Variants in KSR2 observed in about 807,000 individuals in gnomAD.
KSR2 encodes the protein kinase suppressor of ras 2.
A neutral mutation model predicts 107.8 loss-of-function variants in KSR2; 25 were observed. The ratio of observed to expected loss-of-function variants is 0.23; its 90% CI spans 0.17 to 0.32. The LOEUF (loss-of-function observed/expected upper bound fraction) is 0.32. Ranked by LOEUF, KSR2 falls within the 10% of genes least tolerant of loss-of-function variation. The pLI, the probability that KSR2 is intolerant of heterozygous loss-of-function variation, is 1.00. For synonymous variants in KSR2, 480 were observed against 507.0 expected, an observed-to-expected ratio of 0.95 and a Z score of 0.71; for missense variants, 887 against 1,268.9, an observed-to-expected ratio of 0.70 and a Z score of 4.57.
chr12:117,883,930 G>A (rs1409436433), intron 1 of KSR2, among the ~76,000 whole-genome samples: 1 of 151,890 alleles, frequency 6.6e-6, no homozygotes, highest in African/African-American at 2.4e-5. Context: ...CAGGGGCTGG[G>A]TCAAGTAGAA....
chr12:117,787,940 T>C (rs1467190092), intron 3 of KSR2, among the ~76,000 whole-genome samples: 1 of 152,258 alleles, frequency 6.6e-6, no homozygotes, highest in Non-Finnish European at 1.5e-5. Context: ...TCTTTGAAAC[T>C]GTACGTGGGA....
intron 3 of KSR2, among the ~76,000 whole-genome samples, chr12:117,821,708 G>T (rs1348197811): frequency 2.0e-5 from 3 of 152,154 alleles, no homozygotes; most frequent in African/African-American, 7.2e-5. Flanking sequence ...GATCTAAGCT[G>T]CCTGATAACA....
rs750264722 is a variant in KSR2, at chr12:117,579,217, C to T, written c.1242-15G>A. ...TGGTGGAAAACCTGTGGAAAAGAGA[C>T]AGAAAATGTTCAAGGTTAAGGAAAT... On this transcript the variant is annotated splice_polypyrimidine_tract_variant and intron_variant, in intron 6 of 19. Coordinates refer to ENST00000339824, the MANE Select transcript of KSR2 (RefSeq NM_173598.6). 2 of 1,597,882 alleles carry T rather than the reference C, an allele frequency of 1.3e-6. No individual in the cohort carries two copies. Among genetic ancestry groups the T allele is most frequent in the Non-Finnish European group, 1.7e-6 (2 of 1,166,002 alleles).
intron 7 of KSR2, among the ~76,000 whole-genome samples, chr12:117,566,219 G>A (rs4767565): frequency 0.57 from 86,749 of 151,842 alleles, 25,352 homozygotes; most frequent in Middle Eastern, 0.67. Context: ...CCCCCAGTTC[G>A]AGTGACTCTC....
At chr12:117,533,218 A>T (rs1460614236) in intron 10 of KSR2, among the ~76,000 whole-genome samples, 1 of 152,242 alleles carries the variant, frequency 6.6e-6, no homozygotes, top group African/African-American at 2.4e-5. Context: ...ACATAGTTCC[A>T]AGTGCTAATG....
chr12:117,695,000 G>A (rs544477412), intron 4 of KSR2, among the ~76,000 whole-genome samples: 13 of 151,992 alleles, frequency 8.6e-5, no homozygotes, highest in East Asian at 1.9e-4. Context: ...ACAGGTGCAC[G>A]CCACCACACC....
At chr12:117,537,032 G>C (rs183994549) in intron 10 of KSR2, among the ~76,000 whole-genome samples, 2 of 152,304 alleles carry the variant, frequency 1.3e-5, no homozygotes, top group Admixed American at 1.3e-4. Flanking sequence ...CACCAATATG[G>C]TGAAACCCTG....
chr12:117,775,072 G>A (rs1245062965), intron 3 of KSR2, among the ~76,000 whole-genome samples: 2 of 152,154 alleles, frequency 1.3e-5, no homozygotes, highest in East Asian at 3.8e-4. Flanking sequence ...GGACATTTAA[G>A]TTGTTTCTAC....
At chr12:117,853,011 C>T (rs974207069) in intron 3 of KSR2, among the ~76,000 whole-genome samples, 6 of 152,142 alleles carry the variant, frequency 3.9e-5, no homozygotes. Context: ...CTATGTTGGT[C>T]AGGCTGGTCT....
chr12:117,912,831 G>C (rs887570299), intron 1 of KSR2, among the ~76,000 whole-genome samples: 1 of 152,128 alleles, frequency 6.6e-6, no homozygotes, highest in African/African-American at 2.4e-5. Context: ...CAGCTCCTCC[G>C]ATGTTGTATT....
intron 1 of KSR2, among the ~76,000 whole-genome samples, chr12:117,861,531 G>A (rs1241990969): frequency 2.0e-5 from 3 of 151,714 alleles, no homozygotes; most frequent in African/African-American, 7.3e-5. Context: ...TGGGACTACA[G>A]GCGCCCGCCA....
At chr12:117,721,136 T>G (rs745701584) in intron 4 of KSR2, among the ~76,000 whole-genome samples, 5 of 152,160 alleles carry the variant, frequency 3.3e-5, no homozygotes, top group Non-Finnish European at 5.9e-5. Flanking sequence ...GCAAGAAGTT[T>G]TATGCACCAA....
intron 4 of KSR2, among the ~76,000 whole-genome samples, chr12:117,733,215 C>A (rs1887800181): frequency 6.6e-6 from 1 of 152,146 alleles, no homozygotes; most frequent in Admixed American, 6.5e-5. Context: ...ACTCAGAACT[C>A]CAAAACAGCC....
At chr12:117,781,679 C>A (rs961483046) in intron 3 of KSR2, among the ~76,000 whole-genome samples, 3 of 152,146 alleles carry the variant, frequency 2.0e-5, no homozygotes, top group African/African-American at 4.8e-5. Flanking sequence ...TATCCTCAAA[C>A]CATCTGAGCC....
At chr12:117,954,841 C>A (rs1896460069) in intron 1 of KSR2, among the ~76,000 whole-genome samples, 1 of 151,974 alleles carries the variant, frequency 6.6e-6, no homozygotes, top group African/African-American at 2.4e-5. Context: ...CATGGTGAAA[C>A]CCCATCTCTA....
chr12:117,563,030 GTT>G (rs879800304), intron 7 of KSR2, among the ~76,000 whole-genome samples: 9 of 152,144 alleles, frequency 5.9e-5, no homozygotes, highest in Non-Finnish European at 1.3e-4. Context: ...CCACAGCAAG[GTT>G]TTGCAAAGCA....
At chr12:117,947,200 G>GAAAAGAAAAGA (rs748350410) in intron 1 of KSR2, among the ~76,000 whole-genome samples, 1 of 59,478 alleles carries the variant, frequency 1.7e-5, no homozygotes, top group Non-Finnish European at 3.0e-5. Context: ...AGAAAGAAAA[G>GAAAAGAAAAGA]AAAGAAAAGA....
In KSR2 at chr12:117,870,718, CT is replaced by C. The variant is rs1351597895; in HGVS notation, c.181-10288del. Among the ~76,000 whole-genome samples the C allele has an allele frequency of 3.9e-5, 6 of 152,264 alleles. No homozygotes were observed. The South Asian group carries it at 1.2e-3, about 32-fold the overall frequency. ...AGGTGTTTCCCAGGTCACCAAGAGA[CT>C]GAGATCCTGCGCTTGCCAAGGAGCT... On this transcript the variant is annotated intron_variant, in intron 1 of 19. Transcript: ENST00000339824.
At chr12:117,880,450 A>C (rs1218894966) in intron 1 of KSR2, among the ~76,000 whole-genome samples, 1 of 152,008 alleles carries the variant, frequency 6.6e-6, no homozygotes, top group Non-Finnish European at 1.5e-5. Flanking sequence ...CCTGGGAAAA[A>C]GCACCCCAAG....
Sources: allele counts gnomAD v4.1 joint callset (sites outside exome capture counted in the v4.1 genomes callset), GRCh38; gene constraint gnomAD v4.1.1; transcripts MANE v1.5; gene names NCBI Gene and HGNC (gene_info 2026-07-23, HGNC 2026-07-21).